Variants in CHSY3 observed in about 807,000 individuals in gnomAD.
The protein encoded by CHSY3 is chondroitin sulfate synthase 3, also known as N-acetylgalactosaminyl-proteoglycan 3-beta-glucuronosyltransferase 3.
In CHSY3, 35 loss-of-function variants were observed where a neutral mutation model predicts 67.2. The ratio of observed to expected loss-of-function variants is 0.52; its 90% CI spans 0.40 to 0.69. CHSY3 has a LOEUF of 0.69. CHSY3 is among the 30% of genes least tolerant of loss of function. CHSY3 has a pLI of 0.00. For synonymous variants in CHSY3, 474 were observed against 434.7 expected, an observed-to-expected ratio of 1.09 and a Z score of -1.12; for missense variants, 1,069 against 1,138.5, an observed-to-expected ratio of 0.94 and a Z score of 0.88.
intron 2 of CHSY3, among the ~76,000 whole-genome samples, chr5:130,064,174 GT>G (rs1328070076): frequency 6.6e-6 from 1 of 152,010 alleles, no homozygotes; most frequent in African/African-American, 2.4e-5. Flanking sequence ...GTTTTAAAAT[GT>G]TTTCATCAGT....
At chr5:130,168,729 A>T (rs2149731602) in intron 2 of CHSY3, among the ~76,000 whole-genome samples, 2 of 152,218 alleles carry the variant, frequency 1.3e-5, no homozygotes, top group East Asian at 3.9e-4. Context: ...CTTAAATATT[A>T]GGCCTAGGCT....
chr5:130,128,212 G>A (rs1561549748), intron 2 of CHSY3, among the ~76,000 whole-genome samples: 1 of 144,000 alleles, frequency 6.9e-6, no homozygotes, highest in Admixed American at 7.3e-5. Context: ...TAGCCAAGAT[G>A]TGGAAGAAGA....
At chr5:130,163,170 A>G (rs976519080) in intron 2 of CHSY3, among the ~76,000 whole-genome samples, 2 of 152,244 alleles carry the variant, frequency 1.3e-5, no homozygotes, top group East Asian at 3.8e-4. Context: ...TCTTAAAAAA[A>G]GTTAAACATG....
At chr5:129,905,673 G>A (rs1443178569) in intron 1 of CHSY3, 42 bp downstream of exon 1, 7 of 1,600,160 alleles carry the variant, frequency 4.4e-6, no homozygotes, top group Non-Finnish European at 6.0e-6. Context: ...CAGTCTCCCC[G>A]ACTCCTTTCT....
intron 2 of CHSY3, among the ~76,000 whole-genome samples, chr5:130,134,429 A>C (rs1768593329): frequency 6.6e-6 from 1 of 152,244 alleles, no homozygotes. Flanking sequence ...TAATAATCAA[A>C]AACATGTAGC....
At position 130,006,581 on chromosome 5, in the gene CHSY3, A is replaced by C. The variant is rs187880945; in HGVS notation, c.1086+98221A>C. Among the ~76,000 whole-genome samples, 382 of 152,324 alleles carry C rather than the reference A, an allele frequency of 2.5e-3. 3 individuals carry two copies. The highest frequency in any genetic ancestry group is 8.7e-3 in the African/African-American group (360 of 41,572). ...TATTAATAAAATTTTGTATTTTCTGAATGCAATATTGGATTACTCAAGGAG... is the reference window on the plus strand; with the variant it reads ...TATTAATAAAATTTTGTATTTTCTGCATGCAATATTGGATTACTCAAGGAG... On this transcript the variant is annotated intron_variant, in intron 2 of 2. Coordinates refer to ENST00000305031, the MANE Select transcript of CHSY3 (RefSeq NM_175856.5).
chr5:130,084,837 T>A (rs1186913878), intron 2 of CHSY3, among the ~76,000 whole-genome samples: 3 of 151,882 alleles, frequency 2.0e-5, no homozygotes, highest in Non-Finnish European at 4.4e-5. Context: ...AGACCTGGAA[T>A]CAATAGAAGG....
chr5:130,101,002 T>A (rs886256322), intron 2 of CHSY3, among the ~76,000 whole-genome samples: 27 of 152,238 alleles, frequency 1.8e-4, no homozygotes, highest in African/African-American at 6.5e-4. Context: ...CCCAGAGGTA[T>A]AAATTCTCTC....
At chr5:130,177,278 A>G (rs1770085403) in intron 2 of CHSY3, among the ~76,000 whole-genome samples, 2 of 151,610 alleles carry the variant, frequency 1.3e-5, no homozygotes, top group South Asian at 4.1e-4. Flanking sequence ...CTGCTTCTCC[A>G]GATTCACTGG....
At chr5:130,036,955 AAAGATACTAAAAG>A (rs1258558175) in intron 2 of CHSY3, among the ~76,000 whole-genome samples, 1 of 152,134 alleles carries the variant, frequency 6.6e-6, no homozygotes, top group Admixed American at 6.6e-5. Flanking sequence ...CAGCTTGAGG[AAAGATACTAAAAG>A]AAGAAACAGA....
At chr5:130,104,470 C>A (rs547529081) in intron 2 of CHSY3, among the ~76,000 whole-genome samples, 7 of 151,804 alleles carry the variant, frequency 4.6e-5, no homozygotes, top group African/African-American at 1.7e-4. Context: ...AAGAATAAAA[C>A]TGGAAGGTTC....
At chr5:130,149,882 T>C (rs1275729303) in intron 2 of CHSY3, among the ~76,000 whole-genome samples, 2 of 152,158 alleles carry the variant, frequency 1.3e-5, no homozygotes, top group African/African-American at 4.8e-5. Context: ...GCTTGAAAAT[T>C]TTATTCAGCC....
At chr5:130,180,838 A>G (rs1770222191) in intron 2 of CHSY3, among the ~76,000 whole-genome samples, 1 of 152,238 alleles carries the variant, frequency 6.6e-6, no homozygotes, top group African/African-American at 2.4e-5. Flanking sequence ...CGACAGAGTG[A>G]GACCCCATCT....
intron 2 of CHSY3, among the ~76,000 whole-genome samples, chr5:129,920,819 T>A (rs1175137068): frequency 6.6e-6 from 1 of 152,062 alleles, no homozygotes; most frequent in Non-Finnish European, 1.5e-5. Context: ...ATAAGATTTT[T>A]TTTTTTCTTT....
At chr5:130,070,596 A>G (rs969508773) in intron 2 of CHSY3, among the ~76,000 whole-genome samples, 2 of 152,242 alleles carry the variant, frequency 1.3e-5, no homozygotes, top group South Asian at 4.1e-4. Context: ...GAAATGGTTA[A>G]ATGCGATTGG....
intron 2 of CHSY3, among the ~76,000 whole-genome samples, chr5:130,106,957 T>C (rs1767429479): frequency 6.6e-6 from 1 of 151,552 alleles, no homozygotes; most frequent in Non-Finnish European, 1.5e-5. Flanking sequence ...CAATTTGTTA[T>C]GCTTTGAAGA....
chr5:130,148,422 T>G (rs1298512510), intron 2 of CHSY3, among the ~76,000 whole-genome samples: 1 of 152,228 alleles, frequency 6.6e-6, no homozygotes, highest in East Asian at 1.9e-4. Context: ...GTAATGGGAT[T>G]GCTGGGTAGA....
chr5:130,025,134 A>AT (rs11405220), intron 2 of CHSY3, among the ~76,000 whole-genome samples: 92,674 of 151,834 alleles, frequency 0.61, 28,518 homozygotes, highest in African/African-American at 0.69. Context: ...TCCTTTATGG[A>AT]TTAGTGTTAT....
Position 130,185,615 on chromosome 5 carries a change from C to G in CHSY3, c.2473C>G (p.Gln825Glu), listed in dbSNP as rs746888153. The G allele has an allele frequency of 1.9e-5, 31 of 1,613,952 alleles. No individual in the cohort carries two copies. Among genetic ancestry groups the G allele is most frequent in the Non-Finnish European group, 8.5e-7 (1 of 1,179,994 alleles). ...ATCTGGCTTAAGGCCATTCAGAAGC[C>G]AAGAAGTAGGAGTGGTGCATATTTT... ...ILSGLRPFRS[Q>E]EVGVVHIFHP... Residue 825 changes from glutamine (Q) to glutamate (E), a missense_variant, in exon 3 of 3, where the codon CAA (glutamine) becomes GAA (glutamate). By Grantham distance (29) the Gln-to-Glu change is conservative (BLOSUM62 2). This residue lies in a region of CHSY3 where 139 missense variants were observed against 152.8 expected (regional missense o/e 0.91). Coordinates refer to ENST00000305031, the MANE Select transcript of CHSY3 (RefSeq NM_175856.5).
Sources: gnomAD v4.1 joint callset for allele counts (sites outside exome capture counted in the v4.1 genomes callset) on GRCh38, gnomAD v4.1.1 for gene constraint, gnomAD v4.1.1 regional missense constraint, MANE v1.5 for transcripts, NCBI Gene and HGNC (gene_info 2026-07-23, HGNC 2026-07-21) for gene names.